KDM2A: variants seen among roughly 807,000 people sequenced by gnomAD.
The protein encoded by KDM2A is lysine demethylase 2A.
Under a neutral mutation model 137.3 loss-of-function variants are expected in KDM2A, and 3 were observed. The ratio of observed to expected loss-of-function variants is 0.02; its 90% CI spans 0.01 to 0.06. The LOEUF (loss-of-function observed/expected upper bound fraction) is 0.06. Among genes scored for constraint, KDM2A ranks in the 10% least tolerant of loss-of-function variants. KDM2A has a pLI of 1.00. For synonymous variants in KDM2A, 512 were observed against 541.5 expected (o/e 0.95, Z 0.76); for missense variants, 738 against 1,510.6 (o/e 0.49, Z 8.48).
intron 17 of KDM2A, among the ~76,000 whole-genome samples, chr11:67,251,956 GTC>G (rs1859441880): frequency 6.6e-6 from 1 of 152,182 alleles, no homozygotes; most frequent in Non-Finnish European, 1.5e-5. Context: ...GTTATGTGCT[GTC>G]TCTCTTCCCC....
At chr11:67,203,848 C>T (rs920929087) in intron 5 of KDM2A, among the ~76,000 whole-genome samples, 3 of 150,962 alleles carry the variant, frequency 2.0e-5, no homozygotes, top group Non-Finnish European at 2.9e-5. Context: ...CGCCCAGGTC[C>T]GGAGTGCAGT....
At position 67,254,477 on chromosome 11, in the gene KDM2A, A is replaced by T. The variant is rs767566409; in HGVS notation, c.3307+59A>T. On this transcript the variant is annotated intron_variant, in intron 20 of 20. Transcript: ENST00000529006. The surrounding 1 kb of genome is among the most constrained non-coding windows in gnomAD (Gnocchi z 4.7). Reference sequence around the variant, plus strand: ...CCCCCTGCCTCCAGCCCTCCCTGGAACTTGATCAGTAAACCAGAATGACCT... The same window carrying T: ...CCCCCTGCCTCCAGCCCTCCCTGGATCTTGATCAGTAAACCAGAATGACCT... 4.2e-6 allele frequency: 6 copies of T among 1,433,882 alleles called. No homozygotes were observed. The Admixed American group carries it at 1.0e-4, about 24-fold the overall frequency. 88.8% of individuals were successfully genotyped at this position (1,433,882 alleles called of 1,614,324 possible). A position where few individuals can be genotyped will look rare whatever the true frequency, so the allele number is the denominator to read the frequency against.
chr11:67,220,674 G>C (rs1242404348), intron 10 of KDM2A, among the ~76,000 whole-genome samples: 1 of 152,096 alleles, frequency 6.6e-6, no homozygotes, highest in Non-Finnish European at 1.5e-5. Flanking sequence ...GGCAAGAGTT[G>C]ACAAACTTTT....
chr11:67,137,489 T>G (rs1016418533), intron 2 of KDM2A, among the ~76,000 whole-genome samples: 1 of 152,194 alleles, frequency 6.6e-6, no homozygotes, highest in Non-Finnish European at 1.5e-5. Context: ...CTATGATTGA[T>G]TCTATGAGAA....
At position 67,126,201 on chromosome 11, in the gene KDM2A, A is replaced by T. The variant is rs1855726366; in HGVS notation, c.42+4843A>T. On this transcript the variant is annotated intron_variant, in intron 2 of 20. Transcript: ENST00000529006. The stretch of plus-strand genomic sequence containing the variant: ...ACAGAGGTTGTGCTGAGCTGAGATC[A>T]TGCCGTTGCACTCCAGCCTGGGGAA... Among the ~76,000 whole-genome samples, 7 of 150,408 alleles carry T rather than the reference A, an allele frequency of 4.7e-5. No homozygotes were observed. The South Asian group carries it at 1.5e-3, about 32-fold the overall frequency.
At chr11:67,182,321 G>T (rs551138702) in intron 5 of KDM2A, among the ~76,000 whole-genome samples, 1 of 152,242 alleles carries the variant, frequency 6.6e-6, no homozygotes, top group South Asian at 2.1e-4. Flanking sequence ...TATAGGCTGA[G>T]AAGTAGATAC....
chr11:67,231,239 T>G (rs1262443561), intron 11 of KDM2A, among the ~76,000 whole-genome samples: 1 of 152,164 alleles, frequency 6.6e-6, no homozygotes, highest in Non-Finnish European at 1.5e-5. Flanking sequence ...TAATCCCAGA[T>G]TCAAGCTTTA....
chr11:67,190,914 A>C (rs1857336469), intron 5 of KDM2A, among the ~76,000 whole-genome samples: 1 of 152,208 alleles, frequency 6.6e-6, no homozygotes, highest in African/African-American at 2.4e-5. Context: ...AGATTGAGTC[A>C]ATATTCAAAA....
intron 3 of KDM2A, chr11:67,180,423 C>CT (rs1275270326): frequency 4.7e-6 from 2 of 428,786 alleles, no homozygotes; most frequent in East Asian, 3.7e-5. Context: ...TAGAAGTAAT[C>CT]TTTTTATTAG....
chr11:67,128,352 G>T (rs1737009850), intron 2 of KDM2A, among the ~76,000 whole-genome samples: 1 of 151,664 alleles, frequency 6.6e-6, no homozygotes, highest in African/African-American at 2.4e-5. Flanking sequence ...GACTGAGAAT[G>T]GACTAGATAA....
At chr11:67,189,188 A>T (rs780359260) in intron 5 of KDM2A, among the ~76,000 whole-genome samples, 1 of 152,250 alleles carries the variant, frequency 6.6e-6, no homozygotes, top group Non-Finnish European at 1.5e-5. Context: ...CAGTGGATTT[A>T]AAAAATAGAT....
At chr11:67,214,904 A>AT (rs1455508072) in intron 6 of KDM2A, among the ~76,000 whole-genome samples, 2 of 152,074 alleles carry the variant, frequency 1.3e-5, no homozygotes, top group Non-Finnish European at 2.9e-5. Context: ...TCTATACTGG[A>AT]TTTTTTTCTT....
chr11:67,178,792 A>G (rs958876633), intron 2 of KDM2A, among the ~76,000 whole-genome samples: 2 of 152,114 alleles, frequency 1.3e-5, no homozygotes, highest in South Asian at 2.1e-4. Context: ...GCATTCATCA[A>G]TTGATTGACA....
At chr11:67,184,573 G>A (rs1227844859) in intron 5 of KDM2A, among the ~76,000 whole-genome samples, 1 of 151,926 alleles carries the variant, frequency 6.6e-6, no homozygotes, top group Non-Finnish European at 1.5e-5. Context: ...GTTGCAGTGA[G>A]CGAAGCTTGT....
At chr11:67,228,551 G>A (rs1858614462) in intron 11 of KDM2A, among the ~76,000 whole-genome samples, 1 of 151,906 alleles carries the variant, frequency 6.6e-6, no homozygotes, top group African/African-American at 2.4e-5. Context: ...AATTGGGTAG[G>A]CATGGTGGCT....
At chr11:67,156,447 G>A (rs887256619) in intron 2 of KDM2A, among the ~76,000 whole-genome samples, 1 of 151,820 alleles carries the variant, frequency 6.6e-6, no homozygotes, top group Non-Finnish European at 1.5e-5. Context: ...GGCCAGGCGC[G>A]GTGGCTCTCG....
chr11:67,153,010 G>A (rs1000644349), intron 2 of KDM2A, among the ~76,000 whole-genome samples: 6 of 148,950 alleles, frequency 4.0e-5, no homozygotes, highest in Non-Finnish European at 8.9e-5. Flanking sequence ...TGGAGACTGC[G>A]TTTCACTCTT....
chr11:67,200,323 C>G (rs1857586279), intron 5 of KDM2A, among the ~76,000 whole-genome samples: 2 of 152,030 alleles, frequency 1.3e-5, no homozygotes, highest in Admixed American at 1.3e-4. Context: ...TCACGCCATT[C>G]TCCTGTCTCA....
In KDM2A at chr11:67,208,234, A is replaced by T. The variant is rs1443851316; in HGVS notation, c.486+546A>T. Reference sequence around the variant, plus strand: ...TTTTAAAATTTTAAAATTTATTATTATTAAAAAAATTTTTTTTTTTTAAAG... The same window carrying T: ...TTTTAAAATTTTAAAATTTATTATTTTTAAAAAAATTTTTTTTTTTTAAAG... On this transcript the variant is annotated intron_variant, in intron 6 of 20. Coordinates refer to ENST00000529006, the MANE Select transcript of KDM2A (RefSeq NM_012308.3). Among the ~76,000 whole-genome samples the T allele has an allele frequency of 2.0e-5, 3 of 151,320 alleles. No homozygotes were observed. The East Asian group carries it at 5.8e-4, about 29-fold the overall frequency.
Sources: allele counts gnomAD v4.1 joint callset (sites outside exome capture counted in the v4.1 genomes callset), GRCh38; gene constraint gnomAD v4.1.1; non-coding constraint Gnocchi (gnomAD v3.1); transcripts MANE v1.5; gene names NCBI Gene and HGNC (gene_info 2026-07-23, HGNC 2026-07-21).